GALNT17: variants seen among roughly 807,000 people sequenced by gnomAD.
The protein encoded by GALNT17 is UDP-GalNAc:polypeptide N-acetylgalactosaminyltransferase-like 3.
Under a neutral mutation model 63.7 loss-of-function variants are expected in GALNT17, and 29 were observed. The ratio of observed to expected loss-of-function variants is 0.46; its 90% CI spans 0.34 to 0.62. The LOEUF is 0.62. Ranked by LOEUF, GALNT17 falls within the 20% of genes least tolerant of loss-of-function variation. The pLI, the probability that GALNT17 is intolerant of heterozygous loss-of-function variation, is 0.01. For missense variants in GALNT17, 603 were observed against 799.6 expected (o/e 0.75, Z 2.97); for synonymous variants, 305 against 318.3 (o/e 0.96, Z 0.45).
chr7:71,263,645 C>T (rs917782189), intron 1 of GALNT17, among the ~76,000 whole-genome samples: 7 of 152,058 alleles, frequency 4.6e-5, no homozygotes, highest in South Asian at 2.1e-4. Context: ...GTGATCTGGC[C>T]GGGAGCGGTG....
intron 1 of GALNT17, among the ~76,000 whole-genome samples, chr7:71,140,935 C>G (rs998581011): frequency 4.6e-5 from 7 of 152,070 alleles, no homozygotes; most frequent in African/African-American, 1.4e-4. Flanking sequence ...GTGGGAGGAA[C>G]GCTTGAGCCT....
intron 3 of GALNT17, among the ~76,000 whole-genome samples, chr7:71,398,020 A>G (rs1484186187): frequency 2.6e-5 from 4 of 151,358 alleles, no homozygotes; most frequent in African/African-American, 7.3e-5. Flanking sequence ...GGTTTTTTGC[A>G]TGTTCTTTTT....
chr7:71,670,121 C>T lies in GALNT17; in HGVS notation c.1404+12C>T, dbSNP rs1204790612. ...TTGCTTACGGGGAGGTAATTCAGAC[C>T]GTGCATGCTTTTGGCTTGGAATGCT... On this transcript the variant is annotated intron_variant, in intron 8 of 10. Coordinates refer to ENST00000333538, the MANE Select transcript of GALNT17 (RefSeq NM_022479.3). 11 of 1,613,588 alleles carry T rather than the reference C, an allele frequency of 6.8e-6. No individual in the cohort carries two copies. Among genetic ancestry groups the T allele is most frequent in the East Asian group, 6.7e-5 (3 of 44,862 alleles).
intron 9 of GALNT17, among the ~76,000 whole-genome samples, chr7:71,698,229 A>G (rs901204193): frequency 3.3e-5 from 5 of 152,174 alleles, no homozygotes; most frequent in Non-Finnish European, 7.4e-5. Context: ...ACTAAATCTG[A>G]CAGTGTGTCT....
In GALNT17 at chr7:71,559,053, A is replaced by G. The variant is rs552460357; in HGVS notation, c.963-12232A>G. On this transcript the variant is annotated intron_variant, in intron 5 of 10. Transcript: ENST00000333538. ...AGCATGAATTATCTTTTCAGCAACA[A>G]AGGTGAAAGTGCTACTTCCACTTAA... Among the ~76,000 whole-genome samples the G allele has an allele frequency of 1.1e-4, 16 of 152,352 alleles. No homozygotes were observed. In the South Asian group the frequency reaches 3.3e-3, roughly 32 times the overall value.
At chr7:71,659,695 A>G (rs549881764) in intron 6 of GALNT17, among the ~76,000 whole-genome samples, 1 of 152,238 alleles carries the variant, frequency 6.6e-6, no homozygotes, top group Non-Finnish European at 1.5e-5. Context: ...AAATAGGTTC[A>G]GCCTTTTTAT....
At position 71,471,966 on chromosome 7, in the gene GALNT17, T is replaced by C. The variant is rs527762150; in HGVS notation, c.962+50861T>C. ...TTAATGTAGGTTGTTATCTTACTCATTTTGGGCTGCTGTAACAAAATAACA... is the reference window on the plus strand; with the variant it reads ...TTAATGTAGGTTGTTATCTTACTCACTTTGGGCTGCTGTAACAAAATAACA... On this transcript the variant is annotated intron_variant, in intron 5 of 10. Transcript: ENST00000333538. Among the ~76,000 whole-genome samples, 177 of 152,112 alleles carry C rather than the reference T, an allele frequency of 1.2e-3. 2 individuals carry two copies. Among genetic ancestry groups the C allele is most frequent in the African/African-American group, 4.1e-3 (171 of 41,514 alleles).
At chr7:71,150,207 CA>C (rs2116211409) in intron 1 of GALNT17, among the ~76,000 whole-genome samples, 1 of 152,222 alleles carries the variant, frequency 6.6e-6, no homozygotes, top group East Asian at 1.9e-4. Flanking sequence ...AGGGAAAGAA[CA>C]TGTTTTTTTC....
intron 1 of GALNT17, among the ~76,000 whole-genome samples, chr7:71,211,089 C>T (rs1789366185): frequency 6.6e-6 from 1 of 152,010 alleles, no homozygotes; most frequent in Admixed American, 6.6e-5. Context: ...TATGGTATAC[C>T]ACCACAACAG....
At position 71,251,982 on chromosome 7, in the gene GALNT17, G is replaced by C. The variant is rs79314025; in HGVS notation, c.239-83568G>C. Among the ~76,000 whole-genome samples, 1,082 of 152,222 alleles carry C rather than the reference G, an allele frequency of 7.1e-3. 14 individuals are homozygous for C. Among genetic ancestry groups the C allele is most frequent in the African/African-American group, 0.025 (1,024 of 41,538 alleles). On this transcript the variant is annotated intron_variant, in intron 1 of 10. Coordinates refer to ENST00000333538, the MANE Select transcript of GALNT17 (RefSeq NM_022479.3). ...TGGGCATGTGTAAACTGCACATTCA[G>C]CCTCGGGCTGTGATCCAACCCTGGA...
chr7:71,452,459 T>C (rs142590647), intron 5 of GALNT17, among the ~76,000 whole-genome samples: 263 of 152,090 alleles, frequency 1.7e-3, no homozygotes, highest in African/African-American at 6.0e-3. Context: ...GGCAGGAGAA[T>C]TGGCTTGAAC....
At chr7:71,598,405 C>CA (rs1266504572) in intron 6 of GALNT17, among the ~76,000 whole-genome samples, 1 of 152,138 alleles carries the variant, frequency 6.6e-6, no homozygotes, top group African/African-American at 2.4e-5. Context: ...AATGGGTCAT[C>CA]AGAGATATAG....
intron 1 of GALNT17, among the ~76,000 whole-genome samples, chr7:71,264,683 G>A (rs1016681369): frequency 6.6e-6 from 1 of 152,136 alleles, no homozygotes; most frequent in African/African-American, 2.4e-5. Flanking sequence ...GCAGGGACAT[G>A]GATGGAGCTG....
intron 1 of GALNT17, among the ~76,000 whole-genome samples, chr7:71,187,270 T>G (rs2116328897): frequency 6.6e-6 from 1 of 150,656 alleles, no homozygotes; most frequent in East Asian, 2.0e-4. Context: ...CCACCATGCT[T>G]GGCTAATTTT....
intron 5 of GALNT17, among the ~76,000 whole-genome samples, chr7:71,467,183 C>G (rs1787550663): frequency 6.6e-6 from 1 of 152,176 alleles, no homozygotes; most frequent in African/African-American, 2.4e-5. Context: ...GTTCCTCTTT[C>G]AAGTTATGCC....
chr7:71,377,119 ATATATATAT>A (rs1792756061), intron 2 of GALNT17, among the ~76,000 whole-genome samples: 1 of 85,218 alleles, frequency 1.2e-5, no homozygotes, highest in Non-Finnish European at 2.3e-5. Flanking sequence ...AAAAAAATAT[ATATATATAT>A]ATATATATAT....
chr7:71,137,707 C>T (rs1585830391), intron 1 of GALNT17, among the ~76,000 whole-genome samples: 3 of 152,206 alleles, frequency 2.0e-5, no homozygotes, highest in Non-Finnish European at 4.4e-5. Flanking sequence ...CTAGTCTTCA[C>T]CTTCCTGACT....
At chr7:71,678,311 A>T (rs985749825) in intron 9 of GALNT17, among the ~76,000 whole-genome samples, 34 of 151,614 alleles carry the variant, frequency 2.2e-4, no homozygotes, top group African/African-American at 8.2e-4. Context: ...TTTTCAGTAG[A>T]GACGGGGTTT....
chr7:71,586,209 G>T (rs1313068139), intron 6 of GALNT17, among the ~76,000 whole-genome samples: 1 of 152,042 alleles, frequency 6.6e-6, no homozygotes, highest in Non-Finnish European at 1.5e-5. Flanking sequence ...ACCCAGCCCT[G>T]ATTTTTATCA....
Sources: allele counts gnomAD v4.1 joint callset (sites outside exome capture counted in the v4.1 genomes callset), GRCh38; gene constraint gnomAD v4.1.1; transcripts MANE v1.5; gene names NCBI Gene and HGNC (gene_info 2026-07-23, HGNC 2026-07-21).